PITPNM2: variants seen among roughly 807,000 people sequenced by gnomAD.
PITPNM2 encodes phosphatidylinositol transfer protein membrane associated 2.
A neutral mutation model predicts 132.2 loss-of-function variants in PITPNM2; 35 were observed. That is an observed-to-expected ratio of 0.26 (90% CI 0.20 to 0.35). PITPNM2 has a LOEUF of 0.35. PITPNM2 is among the 10% of genes least tolerant of loss of function. PITPNM2 has a pLI of 1.00. For synonymous variants in PITPNM2, 738 were observed against 799.2 expected (o/e 0.92, Z 1.29); for missense variants, 1,332 against 1,912.0 (o/e 0.70, Z 5.66).
intron 2 of PITPNM2, chr12:123,088,644 G>C (rs559209009): frequency 4.6e-5 from 7 of 152,298 alleles, no homozygotes; most frequent in East Asian, 1.9e-4. Context: ...GATCTTCCCT[G>C]CTCCCCGCAA....
At chr12:123,044,109 G>T (rs1021328642) in intron 2 of PITPNM2, among the ~76,000 whole-genome samples, 1 of 152,138 alleles carries the variant, frequency 6.6e-6, no homozygotes, top group East Asian at 1.9e-4. Flanking sequence ...AAAATGCCAC[G>T]GGAGGCTTAG....
chr12:123,052,077 G>GTTTTTTTTTTTTT (rs10606016), intron 2 of PITPNM2, among the ~76,000 whole-genome samples: 140 of 100,600 alleles, frequency 1.4e-3, no homozygotes, highest in Non-Finnish European at 1.9e-3. Flanking sequence ...TAATTTTATT[G>GTTTTTTTTTTTTT]TTTTTTTTTT....
chr12:122,986,964 T>G, intron 23 of PITPNM2, 135 bp from the exon 24 acceptor site: 1 of 1,202,538 alleles, frequency 8.3e-7, no homozygotes. Flanking sequence ...ACGACAATGG[T>G]TGACAATGAC....
intron 1 of PITPNM2, among the ~76,000 whole-genome samples, chr12:123,149,568 G>C (rs1022961969): frequency 6.6e-6 from 1 of 152,234 alleles, no homozygotes. Context: ...GTACTGACCA[G>C]GGCAGGAGAC....
At chr12:123,123,819 G>A (rs375537749) in intron 1 of PITPNM2, among the ~76,000 whole-genome samples, 2 of 151,058 alleles carry the variant, frequency 1.3e-5, no homozygotes, top group African/African-American at 4.9e-5. Context: ...TCCTGTAATC[G>A]CAGCTACTTG....
At chr12:123,039,582 A>AT (rs2040388985) in intron 2 of PITPNM2, among the ~76,000 whole-genome samples, 1 of 152,154 alleles carries the variant, frequency 6.6e-6, no homozygotes, top group South Asian at 2.1e-4. Flanking sequence ...AGAATGGAGG[A>AT]TTTTTAGGGC....
intron 18 of PITPNM2, 44 bp downstream of exon 18, chr12:122,989,743 C>T: frequency 7.4e-7 from 1 of 1,352,306 alleles, no homozygotes; most frequent in South Asian, 2.3e-5. Flanking sequence ...GGGTGCTCAG[C>T]AGCAGAGTGA....
intron 2 of PITPNM2, among the ~76,000 whole-genome samples, chr12:123,074,475 AC>A (rs1350065143): frequency 6.6e-6 from 1 of 151,854 alleles, no homozygotes; most frequent in Non-Finnish European, 1.5e-5. Context: ...CACACACACA[AC>A]ATACCACACA....
intron 2 of PITPNM2, chr12:123,081,241 AG>A (rs765156654): frequency 5.2e-5 from 8 of 152,474 alleles, no homozygotes; most frequent in Non-Finnish European, 8.8e-5. Flanking sequence ...TGGGGCTCTC[AG>A]GGAACAGCAT....
At chr12:122,991,837 G>C (rs541571428) in intron 16 of PITPNM2, 836 of 1,305,118 alleles carry the variant, frequency 6.4e-4, no homozygotes, top group Non-Finnish European at 7.5e-4. Context: ...CGTCCCCGTG[G>C]GGGAGAGGGG....
intron 10 of PITPNM2, among the ~76,000 whole-genome samples, 159 bp from the exon 11 acceptor site, chr12:122,997,731 G>A (rs1235028601): frequency 6.6e-6 from 1 of 152,182 alleles, no homozygotes; most frequent in Non-Finnish European, 1.5e-5. Context: ...CTGGGGTTTG[G>A]CTGCCTCAAC....
At position 123,122,279 on chromosome 12, in the gene PITPNM2, A is replaced by G. The variant is rs1593027168; in HGVS notation, c.-199-11791T>C. Among the ~76,000 whole-genome samples, 5 of 152,284 alleles carry G rather than the reference A, an allele frequency of 3.3e-5. No homozygotes were observed. The South Asian group carries it at 1.0e-3, about 32-fold the overall frequency. On this transcript the variant is annotated intron_variant, in intron 1 of 25. Transcript: ENST00000320201. ...GGAGTTCGAGACCAGCCTGGCCAAC[A>G]TGGTGAAACCCCGTCCCTACTAAAA...
chr12:122,987,382 G>A lies in PITPNM2; in HGVS notation c.3312C>T (p.Gly1104=). Reference sequence around the variant, plus strand: ...CGATGCTGAAGACCACGAACTCTGTGCCCTTGGGCAGCACGGTGATGTAGC... The same window carrying A: ...CGATGCTGAAGACCACGAACTCTGTACCCTTGGGCAGCACGGTGATGTAGC... ...ADSYITVLPK[G]TEFVVFSIDG... Residue 1104 remains glycine, a synonymous_variant, in exon 23 of 26, where the codon GGC becomes GGT. Coordinates refer to ENST00000320201, the MANE Select transcript of PITPNM2 (RefSeq NM_020845.3). 6.2e-7 allele frequency: 1 copy of A among 1,613,768 alleles called. No individual in the cohort carries two copies. The highest frequency in any genetic ancestry group is 1.3e-5 in the African/African-American group (1 of 75,068).
chr12:123,073,519 C>T (rs988296628), intron 2 of PITPNM2, among the ~76,000 whole-genome samples: 1 of 152,178 alleles, frequency 6.6e-6, no homozygotes, highest in Non-Finnish European at 1.5e-5. Context: ...AGTGTTATCT[C>T]TATGTTACAG....
chr12:123,103,079 A>C (rs947964021), intron 2 of PITPNM2, among the ~76,000 whole-genome samples: 4 of 152,208 alleles, frequency 2.6e-5, no homozygotes, highest in Non-Finnish European at 5.9e-5. Context: ...ACATACCACC[A>C]CACCAGGCTA....
intron 2 of PITPNM2, among the ~76,000 whole-genome samples, chr12:123,066,331 G>A (rs1377950555): frequency 2.6e-5 from 4 of 152,172 alleles, no homozygotes; most frequent in African/African-American, 7.2e-5. Context: ...GGCTGGTGCA[G>A]GCAGGGGCAG....
At position 123,099,236 on chromosome 12, in the gene PITPNM2, A is replaced by G. The variant is rs1019939116; in HGVS notation, c.-96+11149T>C. 3.3e-5 allele frequency among the ~76,000 whole-genome samples: 5 copies of G among 149,284 alleles called. No individual in the cohort carries two copies. The highest frequency in any genetic ancestry group is 1.0e-4 in the African/African-American group (4 of 39,892). ...TCACCCAGAACTGTCGATTTTGCTG[A>G]AAAAAAAAATATATATCTTTTTTTT... On this transcript the variant is annotated intron_variant, in intron 2 of 25. Coordinates refer to ENST00000320201, the MANE Select transcript of PITPNM2 (RefSeq NM_020845.3). The surrounding 1 kb of genome is among the most constrained non-coding windows in gnomAD (Gnocchi z 4.2).
At chr12:123,006,276 C>T (rs1369703088) in intron 6 of PITPNM2, among the ~76,000 whole-genome samples, 1 of 151,822 alleles carries the variant, frequency 6.6e-6, no homozygotes, top group Non-Finnish European at 1.5e-5. Context: ...GGTTGGTTCT[C>T]CTTTTCTTTT....
At chr12:123,080,701 T>A (rs796979215) in intron 2 of PITPNM2, among the ~76,000 whole-genome samples, 17 of 152,284 alleles carry the variant, frequency 1.1e-4, no homozygotes, top group African/African-American at 4.1e-4. Context: ...ACCCATGCTT[T>A]GAGATCAAAT....
Sources: allele counts gnomAD v4.1 joint callset (sites outside exome capture counted in the v4.1 genomes callset), GRCh38; gene constraint gnomAD v4.1.1; non-coding constraint Gnocchi (gnomAD v3.1); transcripts MANE v1.5; gene names NCBI Gene and HGNC (gene_info 2026-07-23, HGNC 2026-07-21).